Variants in DOCK11 observed in about 807,000 individuals in gnomAD.
DOCK11 encodes the protein dedicator of cytokinesis protein 11.
A neutral mutation model predicts 169.1 loss-of-function variants in DOCK11; 70 were observed. That is an observed-to-expected ratio of 0.41 (90% CI 0.34 to 0.51). The LOEUF (loss-of-function observed/expected upper bound fraction) is 0.51. Among genes scored for constraint, DOCK11 ranks in the 20% least tolerant of loss-of-function variants. The pLI, the probability that DOCK11 is intolerant of heterozygous loss-of-function variation, is 0.10. For synonymous variants in DOCK11, 529 were observed against 541.3 expected, an observed-to-expected ratio of 0.98 and a Z score of 0.32; for missense variants, 1,166 against 1,538.8, an observed-to-expected ratio of 0.76 and a Z score of 4.05.
At chrX:118,528,649 A>AT (rs1044703576) in intron 1 of DOCK11, among the ~76,000 whole-genome samples, 1 of 110,673 alleles carries the variant, frequency 9.0e-6, no homozygotes, top group Admixed American at 9.6e-5. Context: ...CAAAATGGGG[A>AT]TGCTTCAGGA....
intron 51 of DOCK11, 130 bp from the exon 52 acceptor site, chrX:118,682,949 C>T (rs2016777133): frequency 1.7e-6 from 1 of 590,611 alleles, no homozygotes; most frequent in Non-Finnish European, 2.6e-6. Flanking sequence ...AATAAATGCA[C>T]AGTGAGAAAA....
intron 1 of DOCK11, among the ~76,000 whole-genome samples, chrX:118,503,693 G>A (rs746485428): frequency 1.7e-3 from 173 of 103,873 alleles, no homozygotes; most frequent in Admixed American, 2.8e-3. Context: ...TAGGGTTCTC[G>A]AGGGCAGAGG....
intron 48 of DOCK11, among the ~76,000 whole-genome samples, chrX:118,679,654 A>G (rs937815768): frequency 1.8e-5 from 2 of 111,047 alleles, no homozygotes; most frequent in African/African-American, 6.6e-5. Context: ...TGGGAGGATC[A>G]CTTGAGCCCA....
At chrX:118,592,239 A>C (rs1569424749) in intron 19 of DOCK11, among the ~76,000 whole-genome samples, 1 of 108,802 alleles carries the variant, frequency 9.2e-6, no homozygotes, top group Non-Finnish European at 1.9e-5. Context: ...ACTAGTTTAC[A>C]GTCCCACCAA....
intron 1 of DOCK11, among the ~76,000 whole-genome samples, chrX:118,524,540 C>G (rs1307308280): frequency 9.0e-6 from 1 of 111,315 alleles, no homozygotes; most frequent in African/African-American, 3.3e-5. Context: ...AATGCAACAA[C>G]AACAACAAAC....
At chrX:118,526,572 T>C (rs1173424409) in intron 1 of DOCK11, among the ~76,000 whole-genome samples, 1 of 111,992 alleles carries the variant, frequency 8.9e-6, no homozygotes, top group Non-Finnish European at 1.9e-5. Context: ...GAGACTGTAG[T>C]TTCTACAGTA....
intron 43 of DOCK11, 35 bp downstream of exon 43, chrX:118,654,852 C>G (rs1231310320): frequency 8.3e-7 from 1 of 1,207,470 alleles, no homozygotes; most frequent in Non-Finnish European, 1.1e-6. Context: ...AACAGCCCTT[C>G]AAAACACCTT....
rs138437865 is a variant in DOCK11, at chrX:118,600,555, C to T, written c.2562+1327C>T. On this transcript the variant is annotated intron_variant, in intron 23 of 52. Coordinates refer to ENST00000276202, the MANE Select transcript of DOCK11 (RefSeq NM_144658.4). ...TTAAGTGGAGAAAACAAATAATATC[C>T]CTATTGTCAAAGAGCTTACTTGTTG... Among the ~76,000 whole-genome samples, 29 of 111,252 alleles carry T rather than the reference C, an allele frequency of 2.6e-4. No homozygotes were observed. The East Asian group carries it at 7.5e-3, about 29-fold the overall frequency.
chrX:118,642,136 C>T (rs1157598541), intron 39 of DOCK11, among the ~76,000 whole-genome samples: 1 of 111,902 alleles, frequency 8.9e-6, no homozygotes, highest in East Asian at 2.8e-4. Flanking sequence ...AAATGCAACA[C>T]AACTCCATGT....
Position 118,600,445 on chromosome X carries a change from G to C in DOCK11, c.2562+1217G>C, listed in dbSNP as rs192878911. 2.9e-3 allele frequency among the ~76,000 whole-genome samples: 317 copies of C among 108,445 alleles called. 1 individual carries two copies. Among genetic ancestry groups the C allele is most frequent in the African/African-American group, 9.7e-3 (289 of 29,875 alleles). 94.2% of individuals were successfully genotyped at this position (108,445 alleles called of 115,157 possible). Reference sequence around the variant, plus strand: ...AAAAAGAAAAAAGAAAAAGATTAGGGCATCTGCCGGATAGTAATCGTTCAT... The same window carrying C: ...AAAAAGAAAAAAGAAAAAGATTAGGCCATCTGCCGGATAGTAATCGTTCAT... On this transcript the variant is annotated intron_variant, in intron 23 of 52. Coordinates refer to ENST00000276202, the MANE Select transcript of DOCK11 (RefSeq NM_144658.4).
chrX:118,619,822 CTT>C (rs746842017), intron 31 of DOCK11, among the ~76,000 whole-genome samples: 6 of 100,096 alleles, frequency 6.0e-5, no homozygotes, highest in African/African-American at 7.2e-5. Context: ...TGTTTTCTTT[CTT>C]TTTTTTTTTT....
At chrX:118,543,429 C>A in intron 3 of DOCK11, 82 bp from the exon 4 acceptor site, 1 of 783,525 alleles carries the variant, frequency 1.3e-6, no homozygotes, top group Non-Finnish European at 1.9e-6. Flanking sequence ...GAAAGCCTGT[C>A]GGCATAGTAC....
At chrX:118,529,883 C>T (rs1042212196) in intron 1 of DOCK11, among the ~76,000 whole-genome samples, 10 of 111,276 alleles carry the variant, frequency 9.0e-5, no homozygotes, top group Non-Finnish European at 1.1e-4. Context: ...GGTCTACCCA[C>T]CCTGATTGGA....
intron 39 of DOCK11, among the ~76,000 whole-genome samples, chrX:118,642,057 A>G (rs1007883042): frequency 2.7e-5 from 3 of 111,961 alleles, no homozygotes; most frequent in Non-Finnish European, 5.6e-5. Flanking sequence ...AATATAAAAT[A>G]GGCTGCAGAA....
At chrX:118,622,155 A>G (rs1191025929) in intron 31 of DOCK11, among the ~76,000 whole-genome samples, 1 of 111,491 alleles carries the variant, frequency 9.0e-6, no homozygotes, top group East Asian at 2.8e-4. Flanking sequence ...ACAAAAATCA[A>G]AATGCCTGTC....
chrX:118,527,064 T>A (rs1310669419), intron 1 of DOCK11, among the ~76,000 whole-genome samples: 3 of 112,221 alleles, frequency 2.7e-5, no homozygotes, highest in Non-Finnish European at 1.9e-5. Context: ...ACCCAGGAAT[T>A]TCCATCTGTA....
At chrX:118,526,966 C>T (rs2011391077) in intron 1 of DOCK11, among the ~76,000 whole-genome samples, 1 of 111,777 alleles carries the variant, frequency 8.9e-6, no homozygotes, top group African/African-American at 3.3e-5. Flanking sequence ...CACGATGGGA[C>T]TCCAAAAACA....
chrX:118,623,078 C>T (rs1258482963), intron 31 of DOCK11, among the ~76,000 whole-genome samples: 1 of 111,307 alleles, frequency 9.0e-6, no homozygotes, highest in Non-Finnish European at 1.9e-5. Context: ...ATTAGCCAGG[C>T]GTGGTGGTGG....
At chrX:118,628,073 T>C (rs1452667270) in intron 33 of DOCK11, 90 bp from the exon 34 acceptor site, 1 of 508,763 alleles carries the variant, frequency 2.0e-6, no homozygotes, top group Non-Finnish European at 3.3e-6. Flanking sequence ...CCTACATTAA[T>C]GTCTCTACTT....
Sources: allele counts gnomAD v4.1 joint callset (sites outside exome capture counted in the v4.1 genomes callset), GRCh38; gene constraint gnomAD v4.1.1; transcripts MANE v1.5; gene names NCBI Gene and HGNC (gene_info 2026-07-23, HGNC 2026-07-21).